Variants in CLSTN2 observed in about 807,000 individuals in gnomAD.
The protein encoded by CLSTN2 is calsyntenin 2.
Under a neutral mutation model 101.2 loss-of-function variants are expected in CLSTN2, and 48 were observed. That is an observed-to-expected ratio of 0.47 (90% CI 0.38 to 0.60). CLSTN2 has a LOEUF of 0.60. CLSTN2 is among the 20% of genes least tolerant of loss of function. CLSTN2 has a pLI of 0.00. For missense variants in CLSTN2, 1,160 were observed against 1,238.2 expected, an observed-to-expected ratio of 0.94 and a Z score of 0.95; for synonymous variants, 481 against 463.6, an observed-to-expected ratio of 1.04 and a Z score of -0.48.
intron 5 of CLSTN2, among the ~76,000 whole-genome samples, chr3:140,436,610 T>A (rs1417327990): frequency 2.6e-5 from 4 of 152,176 alleles, no homozygotes; most frequent in African/African-American, 7.2e-5. Context: ...GGCTTGGGTG[T>A]TCCCTGGTCA....
intron 2 of CLSTN2, among the ~76,000 whole-genome samples, chr3:140,300,200 A>G (rs925332630): frequency 7.2e-5 from 11 of 152,238 alleles, no homozygotes; most frequent in Non-Finnish European, 1.3e-4. Flanking sequence ...GATTTTATGC[A>G]TAATAATGCA....
chr3:140,158,428 G>A (rs2009991334), intron 1 of CLSTN2, among the ~76,000 whole-genome samples: 1 of 151,908 alleles, frequency 6.6e-6, no homozygotes, highest in Admixed American at 6.6e-5. Flanking sequence ...GTCAAATGAA[G>A]AACACCATCT....
intron 9 of CLSTN2, among the ~76,000 whole-genome samples, chr3:140,534,341 G>A (rs1935318404): frequency 1.3e-5 from 2 of 152,108 alleles, no homozygotes; most frequent in Non-Finnish European, 2.9e-5. Context: ...TGTCACCCCA[G>A]TGTGCAATGG....
chr3:140,172,809 C>T (rs181592286), intron 1 of CLSTN2, among the ~76,000 whole-genome samples: 57 of 152,252 alleles, frequency 3.7e-4, no homozygotes, highest in African/African-American at 1.1e-3. Flanking sequence ...CATCAGATCT[C>T]GTGAGACTTA....
intron 1 of CLSTN2, among the ~76,000 whole-genome samples, chr3:140,002,612 G>T (rs941855839): frequency 2.0e-5 from 3 of 152,064 alleles, no homozygotes; most frequent in Non-Finnish European, 4.4e-5. Flanking sequence ...TGCTTGCGGG[G>T]TATTACTCAG....
intron 1 of CLSTN2, among the ~76,000 whole-genome samples, chr3:140,135,060 A>G (rs2009585319): frequency 2.1e-5 from 3 of 143,034 alleles, no homozygotes; most frequent in South Asian, 2.3e-4. Context: ...TCACATAACA[A>G]TAGTCCAGGG....
intron 1 of CLSTN2, among the ~76,000 whole-genome samples, chr3:140,037,989 T>C (rs113712004): frequency 6.6e-6 from 1 of 152,184 alleles, no homozygotes; most frequent in Non-Finnish European, 1.5e-5. Context: ...GAATTGTGAA[T>C]AGTGCTGCAA....
intron 8 of CLSTN2, among the ~76,000 whole-genome samples, chr3:140,467,993 C>T (rs941445993): frequency 6.6e-6 from 1 of 152,300 alleles, no homozygotes; most frequent in East Asian, 1.9e-4. Flanking sequence ...ATTAAGGATG[C>T]CAAGCTGATG....
At position 140,213,778 on chromosome 3, in the gene CLSTN2, C is replaced by A. The variant is rs189258779; in HGVS notation, c.232+37705C>A. On this transcript the variant is annotated intron_variant, in intron 2 of 16. Coordinates refer to ENST00000458420, the MANE Select transcript of CLSTN2 (RefSeq NM_022131.3). ...AGTCTCACTTTTCTTTGCAGAAGGTCAACATGGCCTTGTGTATTGGCTTCA... is the reference window on the plus strand; with the variant it reads ...AGTCTCACTTTTCTTTGCAGAAGGTAAACATGGCCTTGTGTATTGGCTTCA... 3.3e-5 allele frequency among the ~76,000 whole-genome samples: 5 copies of A among 152,180 alleles called. 1 individual carries two copies. The East Asian group carries it at 9.7e-4, about 29-fold the overall frequency.
At chr3:139,993,400 G>A (rs1204654823) in intron 1 of CLSTN2, among the ~76,000 whole-genome samples, 1 of 152,114 alleles carries the variant, frequency 6.6e-6, no homozygotes, top group Non-Finnish European at 1.5e-5. Context: ...GGGATACTGG[G>A]TGGCCCTTCG....
chr3:140,101,870 T>C (rs1333259799), intron 1 of CLSTN2, among the ~76,000 whole-genome samples: 1 of 152,184 alleles, frequency 6.6e-6, no homozygotes, highest in Non-Finnish European at 1.5e-5. Context: ...CTGCTCATGG[T>C]CCGCTGGCCA....
At position 140,176,826 on chromosome 3, in the gene CLSTN2, C is replaced by T. The variant is rs146082449; in HGVS notation, c.232+753C>T. Among the ~76,000 whole-genome samples, 271 of 152,224 alleles carry T rather than the reference C, an allele frequency of 1.8e-3. 5 individuals are homozygous for T. Among genetic ancestry groups the T allele is most frequent in the Admixed American group, 0.016 (239 of 15,294 alleles). ...ATATTGTTAACATTTTATAACTGTC[C>T]GGAGAAAGACAGGAAATTTAATGAA... On this transcript the variant is annotated intron_variant, in intron 2 of 16. Coordinates refer to ENST00000458420, the MANE Select transcript of CLSTN2 (RefSeq NM_022131.3).
At position 140,427,181 on chromosome 3, in the gene CLSTN2, AAAAAT is replaced by A. The variant is rs1303165202; in HGVS notation, c.787+5909_787+5913del. ...ACAGAGTGAGACTGTCTCAAAAAAA[AAAAAT>A]ATATATATATATATATATGTGTATA... On this transcript the variant is annotated intron_variant, in intron 5 of 16. Transcript: ENST00000458420. Among the ~76,000 whole-genome samples the A allele has an allele frequency of 9.0e-4, 73 of 81,420 alleles. 1 individual carries two copies. The highest frequency in any genetic ancestry group is 6.7e-3 in the African/African-American group (67 of 10,032). The allele number at this position is 81,420 out of a possible 152,430, so 53.4% of individuals were successfully genotyped here.
chr3:140,296,746 TG>T (rs1460219763), intron 2 of CLSTN2, among the ~76,000 whole-genome samples: 1 of 152,236 alleles, frequency 6.6e-6, no homozygotes, highest in Non-Finnish European at 1.5e-5. Context: ...CCTTTAGGGC[TG>T]GGTTTTACTA....
intron 2 of CLSTN2, among the ~76,000 whole-genome samples, chr3:140,276,895 TA>T (rs1388061262): frequency 6.6e-6 from 1 of 152,170 alleles, no homozygotes. Context: ...TTATGGCACT[TA>T]AGAAAGCCTG....
At chr3:140,228,921 G>A (rs765927911) in intron 2 of CLSTN2, among the ~76,000 whole-genome samples, 21 of 152,174 alleles carry the variant, frequency 1.4e-4, no homozygotes, top group Non-Finnish European at 2.5e-4. Context: ...TGAGATTTGG[G>A]TAGGAATACA....
intron 1 of CLSTN2, among the ~76,000 whole-genome samples, chr3:140,101,604 T>C (rs2008967363): frequency 6.6e-6 from 1 of 152,260 alleles, no homozygotes; most frequent in African/African-American, 2.4e-5. Flanking sequence ...TAGCCCAAGT[T>C]ACACTTTATA....
chr3:139,997,564 T>C (rs1468538661), intron 1 of CLSTN2, among the ~76,000 whole-genome samples: 1 of 152,212 alleles, frequency 6.6e-6, no homozygotes, highest in Non-Finnish European at 1.5e-5. Flanking sequence ...TTTCTAGTCC[T>C]GTTAGTAAGA....
intron 2 of CLSTN2, among the ~76,000 whole-genome samples, chr3:140,257,655 G>T (rs2086615846): frequency 6.6e-6 from 1 of 151,142 alleles, no homozygotes; most frequent in Admixed American, 6.6e-5. Context: ...TAATATTAAA[G>T]AATTTCTCGG....
Sources: allele counts gnomAD v4.1 joint callset (sites outside exome capture counted in the v4.1 genomes callset), GRCh38; gene constraint gnomAD v4.1.1; transcripts MANE v1.5; gene names NCBI Gene and HGNC (gene_info 2026-07-23, HGNC 2026-07-21).